The following KIF23 variants were observed in gnomAD, a reference collection of about 807,000 sequenced individuals.
The protein encoded by KIF23 is kinesin family member 23, also known as kinesin-like protein KIF23.
Under a neutral mutation model 137.5 loss-of-function variants are expected in KIF23, and 30 were observed. That is an observed-to-expected ratio of 0.22 (90% CI 0.16 to 0.30). The LOEUF is 0.30. Among genes scored for constraint, KIF23 ranks in the 10% least tolerant of loss-of-function variants. The pLI is 1.00. For synonymous variants in KIF23, 367 were observed against 391.1 expected, an observed-to-expected ratio of 0.94 and a Z score of 0.73; for missense variants, 920 against 1,194.3, an observed-to-expected ratio of 0.77 and a Z score of 3.38.
In KIF23 at chr15:69,445,046, A is replaced by T. The variant is rs773515592; in HGVS notation, c.2673+5A>T. ...ATTGAAACTAAACTAATTAAGGTAA[A>T]AAACTAATTTTCACAGGAGAAAAAA... is the stretch of plus-strand genomic sequence containing the variant. On this transcript the variant is annotated splice_donor_5th_base_variant and intron_variant, in intron 20 of 23. Transcript: ENST00000679126. The T allele has an allele frequency of 6.3e-7, 1 of 1,593,738 alleles. No individual in the cohort carries two copies. Among genetic ancestry groups the T allele is most frequent in the Non-Finnish European group, 8.5e-7 (1 of 1,170,514 alleles).
Position 69,421,661 on chromosome 15 carries a change from T to A in KIF23, c.225T>A (p.Phe75Leu). ...TCTCTCCACAGACTCAGTATTCATTTAAACAAGTATTTGGCACTCACACCA... is the reference window on the plus strand; with the variant it reads ...TCTCTCCACAGACTCAGTATTCATTAAAACAAGTATTTGGCACTCACACCA... Reference protein sequence around the residue: ...NGDYKETQYSFKQVFGTHTTQ... With the variant: ...NGDYKETQYSLKQVFGTHTTQ... Residue 75 changes from phenylalanine to leucine, a missense_variant, in exon 4 of 24, where the codon TTT becomes TTA. Around this residue, in one of 4 missense-constraint regions of KIF23, gnomAD observed 124 missense variants for 122.0 expected, o/e 1.02. Transcript: ENST00000679126. 6.2e-7 allele frequency: 1 copy of A among 1,611,284 alleles called. No individual in the cohort carries two copies. Among genetic ancestry groups the A allele is most frequent in the Non-Finnish European group, 8.5e-7 (1 of 1,177,460 alleles).
intron 3 of KIF23, among the ~76,000 whole-genome samples, chr15:69,420,697 T>C (rs1050621172): frequency 5.9e-5 from 9 of 152,208 alleles, no homozygotes; most frequent in Non-Finnish European, 2.9e-5. Flanking sequence ...CTTTTTTCTT[T>C]TTCTTTTTTG....
chr15:69,426,523 A>T (rs375904199), intron 10 of KIF23, 66 bp downstream of exon 10: 23 of 1,562,088 alleles, frequency 1.5e-5, no homozygotes, highest in African/African-American at 1.2e-4. Flanking sequence ...AATTAGAGTA[A>T]TCCAGCCAAC....
chr15:69,420,295 A>G (rs773646052), intron 3 of KIF23, among the ~76,000 whole-genome samples: 1 of 151,976 alleles, frequency 6.6e-6, no homozygotes, highest in South Asian at 2.1e-4. Context: ...AAAACATTGC[A>G]CTGATGATGG....
chr15:69,431,223 A>T (rs1303755100), intron 11 of KIF23, among the ~76,000 whole-genome samples: 1 of 152,246 alleles, frequency 6.6e-6, no homozygotes, highest in Non-Finnish European at 1.5e-5. Flanking sequence ...TGTTCAATTT[A>T]TGCAAGTGAA....
chr15:69,440,873 T>C lies in KIF23; in HGVS notation c.2215T>C (p.Cys739Arg). 1 of 1,614,196 alleles carries C rather than the reference T, an allele frequency of 6.2e-7. No individual in the cohort carries two copies. Among genetic ancestry groups the C allele is most frequent in the Non-Finnish European group, 8.5e-7 (1 of 1,180,042 alleles). ...TTGCAGCAGCATTTCTGTAGCTTCCTGTATTTCGGAATGGGAGCAGAAAAT... is the reference window on the plus strand; with the variant it reads ...TTGCAGCAGCATTTCTGTAGCTTCCCGTATTTCGGAATGGGAGCAGAAAAT... ...NSCSSISVAS[C>R]ISEWEQKIPT... is the part of the protein sequence containing the mutation. Residue 739 changes from cysteine (C) to arginine (R), a missense_variant, in exon 19 of 24, where the codon TGT becomes CGT. This residue lies in a region of KIF23 where 714 missense variants were observed against 866.2 expected (regional missense o/e 0.82). Coordinates refer to ENST00000679126, the MANE Select transcript of KIF23 (RefSeq NM_001367805.3).
intron 11 of KIF23, chr15:69,434,474 G>C: frequency 1.7e-6 from 1 of 574,186 alleles, no homozygotes; most frequent in Non-Finnish European, 3.2e-6. Flanking sequence ...TCAATATTCT[G>C]GCCTTTCCAC....
At position 69,436,344 on chromosome 15, in the gene KIF23, G is replaced by A. The variant is rs796556929; in HGVS notation, c.1438+83G>A. ...TTAAAAAAAATTATTTCATTTAAGA[G>A]AAATGTTTACATACCTTCTGAAGAA... On this transcript the variant is annotated intron_variant, in intron 14 of 23. Transcript: ENST00000679126. 64 of 1,502,764 alleles carry A rather than the reference G, an allele frequency of 4.3e-5. No individual in the cohort carries two copies. In the African/African-American group the frequency reaches 7.7e-4, roughly 18 times the overall value. The allele number at this position is 1,502,764 out of a possible 1,614,324, so 93.1% of individuals were successfully genotyped here.
chr15:69,428,849 A>G (rs2057280438), intron 10 of KIF23, among the ~76,000 whole-genome samples: 1 of 152,110 alleles, frequency 6.6e-6, no homozygotes, highest in African/African-American at 2.4e-5. Context: ...GTAGTAAAAG[A>G]CAGAGTCCCT....
intron 1 of KIF23, among the ~76,000 whole-genome samples, chr15:69,415,647 C>T (rs1425546896): frequency 2.0e-5 from 3 of 152,170 alleles, no homozygotes; most frequent in Non-Finnish European, 4.4e-5. Flanking sequence ...TGAAGTTAAT[C>T]GCTTGTCAGT....
intron 15 of KIF23, among the ~76,000 whole-genome samples, chr15:69,437,663 G>C (rs1490485762): frequency 6.6e-6 from 1 of 152,030 alleles, no homozygotes; most frequent in African/African-American, 2.4e-5. Flanking sequence ...GTTTCACCAT[G>C]TTGGTCAGGC....
chr15:69,430,571 G>A (rs949774640), intron 11 of KIF23, among the ~76,000 whole-genome samples: 5 of 152,202 alleles, frequency 3.3e-5, no homozygotes, highest in African/African-American at 9.7e-5. Context: ...GGAGTGAGCT[G>A]TATGAAGCAG....
Position 69,447,867 on chromosome 15 carries a change from A to G in KIF23, c.*60A>G. 2 of 1,565,828 alleles carry G rather than the reference A, an allele frequency of 1.3e-6. No individual in the cohort carries two copies. The highest frequency in any genetic ancestry group is 1.8e-6 in the Non-Finnish European group (2 of 1,139,000). On this transcript the variant is annotated 3_prime_UTR_variant, in exon 24 of 24. Coordinates refer to ENST00000679126, the MANE Select transcript of KIF23 (RefSeq NM_001367805.3). ...TTGTGTGGATGATTTCTCGAAAGCCATGCCAGAAGCAGTCTTCCAGGTCAT... is the reference window on the plus strand; with the variant it reads ...TTGTGTGGATGATTTCTCGAAAGCCGTGCCAGAAGCAGTCTTCCAGGTCAT...
chr15:69,419,884 C>T lies in KIF23; in HGVS notation c.211-1763C>T, dbSNP rs144852111. 9.9e-5 allele frequency among the ~76,000 whole-genome samples: 15 copies of T among 152,076 alleles called. No homozygotes were observed. The East Asian group carries it at 2.7e-3, about 27-fold the overall frequency. ...TTCAAGTATGTATAAATATAGGTAT[C>T]GAGTAGGTATCGAGTAGGTATAAAA... On this transcript the variant is annotated intron_variant, in intron 3 of 23. Transcript: ENST00000679126.
chr15:69,425,308 G>A lies in KIF23; in HGVS notation c.761G>A (p.Arg254Lys), dbSNP rs1253314320. ...TGGAACAGTTGCAGCACACCCATGA[G>A]GAACACAGATTTTGTGTATGTGATG... Reference protein sequence around the residue: ...PKWNSCSTPMRNTDFVPPQSK... With the variant: ...PKWNSCSTPMKNTDFVPPQSK... The change falls in exon 8 of 24, where the codon AGG (arginine) becomes AAG (lysine). Residue 254 changes from arginine (R) to lysine (K), a missense_variant. Coordinates refer to ENST00000679126, the MANE Select transcript of KIF23 (RefSeq NM_001367805.3). 9 of 1,535,814 alleles carry A rather than the reference G, an allele frequency of 5.9e-6. No individual in the cohort carries two copies. Among genetic ancestry groups the A allele is most frequent in the African/African-American group, 2.7e-5 (2 of 73,020 alleles).
chr15:69,446,352 T>C lies in KIF23; in HGVS notation c.2826T>C (p.Asp942=). ...ATGGTGCAGAGTCTGAATGGACCGA[T>C]GTAGAAACAAGGGTAGGGGAAAAAT... is the stretch of plus-strand genomic sequence containing the variant. The part of the protein sequence containing the change: ...QPDGAESEWT[D]VETRCSVAVE... The change falls in exon 22 of 24, where the codon GAT becomes GAC. Residue 942 remains aspartate (D), a synonymous_variant. Coordinates refer to ENST00000679126, the MANE Select transcript of KIF23 (RefSeq NM_001367805.3). The C allele has an allele frequency of 6.2e-7, 1 of 1,613,778 alleles. No homozygotes were observed. Among genetic ancestry groups the C allele is most frequent in the Non-Finnish European group, 8.5e-7 (1 of 1,179,678 alleles).
In KIF23 at chr15:69,422,245, A is replaced by T; in HGVS notation, c.454-81A>T. 2.1e-6 allele frequency: 3 copies of T among 1,457,170 alleles called. No individual in the cohort carries two copies. The South Asian group carries it at 3.8e-5, about 18-fold the overall frequency. 90.3% of individuals were successfully genotyped at this position (1,457,170 alleles called of 1,614,324 possible). On this transcript the variant is annotated intron_variant, in intron 5 of 23. Coordinates refer to ENST00000679126, the MANE Select transcript of KIF23 (RefSeq NM_001367805.3). Reference sequence around the variant, plus strand: ...CATTTTGAAACCTTAACTGTTCCTTAGTTTTTAAACATATTTCTTACTATT... The same window carrying T: ...CATTTTGAAACCTTAACTGTTCCTTTGTTTTTAAACATATTTCTTACTATT...
rs2057185642 is a variant in KIF23, at chr15:69,426,173, T to C, written c.880T>C (p.Phe294Leu). The C allele has an allele frequency of 6.2e-7, 1 of 1,607,418 alleles. No homozygotes were observed. Among genetic ancestry groups the C allele is most frequent in the Non-Finnish European group, 8.5e-7 (1 of 1,177,716 alleles). Residue 294 changes from phenylalanine to leucine, a missense_variant, in exon 9 of 24, where the codon TTC becomes CTC. By Grantham distance (22) the Phe-to-Leu change is conservative. Transcript: ENST00000679126. ...VKSTEEAFEV[F>L]WRGQKKRRIA... is the part of the protein sequence containing the mutation. ...ATCTACTGAGGAGGCTTTTGAAGTT[T>C]TCTGGAGAGGTTAGAAACACCTAGA...
In KIF23 at chr15:69,421,707, G is replaced by A. The variant is rs771624403; in HGVS notation, c.271G>A (p.Val91Ile). 3 of 1,613,806 alleles carry A rather than the reference G, an allele frequency of 1.9e-6. No homozygotes were observed. In the East Asian group the frequency reaches 6.7e-5, roughly 36 times the overall value. The stretch of plus-strand genomic sequence containing the variant: ...CACCACCCAGAAGGAACTCTTTGAT[G>A]TTGTGGCTAATCCCTTGGTCAATGA... ...THTTQKELFD[V>I]VANPLVNDLI... is the part of the protein sequence containing the mutation. Residue 91 changes from valine to isoleucine, a missense_variant, in exon 4 of 24, where the codon GTT becomes ATT. By Grantham distance (29) the Val-to-Ile change is conservative. Transcript: ENST00000679126.
Sources: allele counts gnomAD v4.1 joint callset (sites outside exome capture counted in the v4.1 genomes callset), GRCh38; gene constraint gnomAD v4.1.1; regional missense constraint gnomAD v4.1.1; transcripts MANE v1.5; gene names NCBI Gene and HGNC (gene_info 2026-07-23, HGNC 2026-07-21).